Variants in ANKS1B observed in about 807,000 individuals in gnomAD.
ANKS1B encodes ankyrin repeat and sterile alpha motif domain-containing protein 1B.
Under a neutral mutation model 148.3 loss-of-function variants are expected in ANKS1B, and 36 were observed. The ratio of observed to expected loss-of-function variants is 0.24; its 90% CI spans 0.19 to 0.32. The LOEUF is 0.32. Among genes scored for constraint, ANKS1B ranks in the 10% least tolerant of loss-of-function variants. The pLI is 1.00. For synonymous variants in ANKS1B, 542 were observed against 560.8 expected, an observed-to-expected ratio of 0.97 and a Z score of 0.47; for missense variants, 1,157 against 1,542.6, an observed-to-expected ratio of 0.75 and a Z score of 4.19.
At chr12:98,881,347 T>C (rs1326930652) in intron 17 of ANKS1B, among the ~76,000 whole-genome samples, 2 of 152,186 alleles carry the variant, frequency 1.3e-5, no homozygotes, top group Non-Finnish European at 2.9e-5. Flanking sequence ...GCAAGAGCTA[T>C]ATTTTATTGA....
chr12:99,657,362 C>T (rs2098454424), intron 8 of ANKS1B, among the ~76,000 whole-genome samples: 1 of 152,024 alleles, frequency 6.6e-6, no homozygotes, highest in Admixed American at 6.6e-5. Context: ...CTGTGGAAGA[C>T]AATATACTGA....
intron 1 of ANKS1B, among the ~76,000 whole-genome samples, chr12:99,944,462 G>A (rs1412860006): frequency 1.3e-5 from 2 of 152,180 alleles, no homozygotes; most frequent in African/African-American, 4.8e-5. Flanking sequence ...TAGCCACACA[G>A]ACATGGAAGG....
chr12:99,369,771 T>TAGATAGATAGAC (rs1221284001), intron 12 of ANKS1B, among the ~76,000 whole-genome samples: 11 of 142,910 alleles, frequency 7.7e-5, no homozygotes, highest in Non-Finnish European at 7.5e-5. Context: ...GATAGATAGA[T>TAGATAGATAGAC]AGATAGATAG....
At chr12:98,822,139 G>A (rs2099200594) in intron 19 of ANKS1B, among the ~76,000 whole-genome samples, 1 of 151,704 alleles carries the variant, frequency 6.6e-6, no homozygotes, top group Non-Finnish European at 1.5e-5. Context: ...GCCATCTTGA[G>A]TTGGATTTTT....
intron 1 of ANKS1B, among the ~76,000 whole-genome samples, chr12:99,965,539 AT>A (rs1213481712): frequency 1.1e-4 from 17 of 152,360 alleles, no homozygotes; most frequent in Admixed American, 7.8e-4. Context: ...TAAAATGAAC[AT>A]TATCAGCAAC....
At chr12:98,855,660 T>C (rs1393523764) in intron 17 of ANKS1B, among the ~76,000 whole-genome samples, 1 of 152,228 alleles carries the variant, frequency 6.6e-6, no homozygotes, top group Non-Finnish European at 1.5e-5. Flanking sequence ...TTTAGGATTG[T>C]ACTGGCTTAA....
intron 25 of ANKS1B, among the ~76,000 whole-genome samples, chr12:98,769,551 T>C (rs910547525): frequency 6.6e-6 from 1 of 152,186 alleles, no homozygotes; most frequent in Non-Finnish European, 1.5e-5. Context: ...CTCTACATGT[T>C]TTTCTAAGTG....
At chr12:99,617,727 G>A (rs1456244740) in intron 9 of ANKS1B, among the ~76,000 whole-genome samples, 1 of 151,750 alleles carries the variant, frequency 6.6e-6, no homozygotes, top group East Asian at 1.9e-4. Context: ...GATAGGTGCA[G>A]CAAACCACCA....
At chr12:99,966,793 C>T (rs569929878) in intron 1 of ANKS1B, among the ~76,000 whole-genome samples, 2 of 152,212 alleles carry the variant, frequency 1.3e-5, no homozygotes, top group African/African-American at 4.8e-5. Flanking sequence ...TACTAGGAAC[C>T]CATTAATCTC....
intron 17 of ANKS1B, among the ~76,000 whole-genome samples, chr12:99,050,988 C>T (rs118031277): frequency 1.6e-3 from 240 of 152,188 alleles, no homozygotes; most frequent in East Asian, 2.9e-3. Context: ...TGAACCACCA[C>T]GCCTGACTAG....
At chr12:99,819,028 GTTGA>G (rs1448175691) in intron 2 of ANKS1B, among the ~76,000 whole-genome samples, 1 of 151,816 alleles carries the variant, frequency 6.6e-6, no homozygotes, top group Non-Finnish European at 1.5e-5. Flanking sequence ...TCTCTTGCTT[GTTGA>G]TTGAGTCCAA....
At chr12:99,470,033 C>T (rs1017979024) in intron 10 of ANKS1B, among the ~76,000 whole-genome samples, 1 of 151,840 alleles carries the variant, frequency 6.6e-6, no homozygotes, top group Admixed American at 6.6e-5. Flanking sequence ...GCAGGAGAAT[C>T]ACTTGAGCTC....
chr12:99,921,081 G>A (rs552213870), intron 1 of ANKS1B, among the ~76,000 whole-genome samples: 1 of 152,108 alleles, frequency 6.6e-6, no homozygotes, highest in Non-Finnish European at 1.5e-5. Flanking sequence ...GGCTTCAGTG[G>A]AAAAACTGAC....
chr12:98,938,573 T>C (rs1247445860), intron 17 of ANKS1B, among the ~76,000 whole-genome samples: 1 of 152,242 alleles, frequency 6.6e-6, no homozygotes, highest in Non-Finnish European at 1.5e-5. Flanking sequence ...CAGAGTGCTC[T>C]TCCTGAAAAT....
At chr12:99,692,397 G>A (rs556046596) in intron 8 of ANKS1B, among the ~76,000 whole-genome samples, 72 of 152,180 alleles carry the variant, frequency 4.7e-4, no homozygotes, top group African/African-American at 1.5e-3. Flanking sequence ...GAGGCCCAGC[G>A]CAGTGGCTCA....
At chr12:99,225,874 G>C (rs2085856900) in intron 14 of ANKS1B, among the ~76,000 whole-genome samples, 1 of 152,196 alleles carries the variant, frequency 6.6e-6, no homozygotes, top group African/African-American at 2.4e-5. Context: ...TTCACCTTGT[G>C]ATCATGTGAG....
intron 1 of ANKS1B, among the ~76,000 whole-genome samples, chr12:99,836,334 A>T (rs1392536557): frequency 6.6e-6 from 1 of 152,124 alleles, no homozygotes; most frequent in East Asian, 1.9e-4. Context: ...TTGGAGCAAA[A>T]ATAAATAATA....
chr12:99,206,786 C>A (rs1253927946), intron 14 of ANKS1B, among the ~76,000 whole-genome samples: 1 of 152,070 alleles, frequency 6.6e-6, no homozygotes, highest in Non-Finnish European at 1.5e-5. Flanking sequence ...GAAAATATAG[C>A]CTATTGAACT....
intron 10 of ANKS1B, among the ~76,000 whole-genome samples, chr12:99,493,476 T>G (rs1250871297): frequency 1.3e-5 from 2 of 152,186 alleles, no homozygotes; most frequent in African/African-American, 4.8e-5. Flanking sequence ...AGGAGACTAT[T>G]ATAATAGTCC....
Sources: gnomAD v4.1 joint callset for allele counts (sites outside exome capture counted in the v4.1 genomes callset) on GRCh38, gnomAD v4.1.1 for gene constraint, MANE v1.5 for transcripts, NCBI Gene and HGNC (gene_info 2026-07-23, HGNC 2026-07-21) for gene names.